CACNB2: variants seen among roughly 807,000 people sequenced by gnomAD.
The protein encoded by CACNB2 is voltage-dependent L-type calcium channel subunit beta-2.
In CACNB2, 42 loss-of-function variants were observed where a neutral mutation model predicts 73.3. The observed-to-expected ratio is 0.57, with a 90% CI of 0.45 to 0.74. CACNB2 has a LOEUF of 0.74. CACNB2 is among the 30% of genes least tolerant of loss of function. CACNB2 has a pLI of 0.00. For missense variants in CACNB2, 940 were observed against 853.0 expected (o/e 1.10, Z -1.27); for synonymous variants, 348 against 310.3 (o/e 1.12, Z -1.28).
chr10:18,517,537 G>A (rs771510058), intron 7 of CACNB2, among the ~76,000 whole-genome samples: 2 of 152,094 alleles, frequency 1.3e-5, no homozygotes, highest in Non-Finnish European at 2.9e-5. Flanking sequence ...AACTACTTTT[G>A]AGAATCATAT....
chr10:18,157,696 G>C (rs1389169772), intron 2 of CACNB2, among the ~76,000 whole-genome samples: 2 of 152,134 alleles, frequency 1.3e-5, no homozygotes, highest in Non-Finnish European at 2.9e-5. Context: ...CTAAGTGATT[G>C]ACTCCAGATT....
chr10:18,454,664 A>G (rs1186783155), intron 3 of CACNB2, among the ~76,000 whole-genome samples: 1 of 152,218 alleles, frequency 6.6e-6, no homozygotes, highest in African/African-American at 2.4e-5. Flanking sequence ...TTAAATGTCA[A>G]TGGACTGTGT....
intron 3 of CACNB2, among the ~76,000 whole-genome samples, chr10:18,461,825 A>T (rs557735525): frequency 1.1e-4 from 16 of 145,928 alleles, no homozygotes; most frequent in Non-Finnish European, 1.6e-4. Flanking sequence ...CTCCTCGAAC[A>T]GTATGAGTGG....
At chr10:18,492,711 T>A (rs1255182262) in intron 3 of CACNB2, among the ~76,000 whole-genome samples, 2 of 150,740 alleles carry the variant, frequency 1.3e-5, no homozygotes, top group Non-Finnish European at 3.0e-5. Flanking sequence ...TCCCAGAGAA[T>A]ATGAAAGAAT....
intron 2 of CACNB2, among the ~76,000 whole-genome samples, chr10:18,282,140 C>T (rs1325738065): frequency 6.6e-6 from 1 of 151,902 alleles, no homozygotes; most frequent in Non-Finnish European, 1.5e-5. Flanking sequence ...AGCTTCTGTC[C>T]CCTATTCATT....
intron 2 of CACNB2, among the ~76,000 whole-genome samples, chr10:18,249,841 T>C (rs2037017659): frequency 6.6e-6 from 1 of 152,152 alleles, no homozygotes; most frequent in Non-Finnish European, 1.5e-5. Context: ...CACATCGATG[T>C]CCTACAGACG....
intron 3 of CACNB2, among the ~76,000 whole-genome samples, chr10:18,455,500 A>C (rs2047234848): frequency 6.6e-6 from 1 of 152,216 alleles, no homozygotes; most frequent in South Asian, 2.1e-4. Context: ...TTCTGTTGGG[A>C]ACACCTGTGT....
intron 2 of CACNB2, among the ~76,000 whole-genome samples, chr10:18,210,728 T>C (rs1011449027): frequency 6.6e-6 from 1 of 152,206 alleles, no homozygotes; most frequent in African/African-American, 2.4e-5. Context: ...ACCCCAAATC[T>C]GTAAGTAACT....
At chr10:18,347,959 C>T (rs1448156569) in intron 2 of CACNB2, among the ~76,000 whole-genome samples, 2 of 152,086 alleles carry the variant, frequency 1.3e-5, no homozygotes, top group African/African-American at 2.4e-5. Context: ...TTACAGTGGG[C>T]TGTGAATAAT....
At chr10:18,372,300 T>A (rs374460353) in intron 2 of CACNB2, among the ~76,000 whole-genome samples, 1 of 152,216 alleles carries the variant, frequency 6.6e-6, no homozygotes, top group Non-Finnish European at 1.5e-5. Context: ...CTGAATGGTA[T>A]TGCCTAGGTT....
At chr10:18,426,955 ATT>A (rs551543429) in intron 3 of CACNB2, among the ~76,000 whole-genome samples, 105 of 81,680 alleles carry the variant, frequency 1.3e-3, no homozygotes, top group Admixed American at 4.7e-3. Context: ...CCTTTTCTAC[ATT>A]TTTTTTTTTT....
intron 3 of CACNB2, among the ~76,000 whole-genome samples, chr10:18,489,234 C>A (rs1046641004): frequency 1.3e-5 from 2 of 151,594 alleles, no homozygotes; most frequent in Non-Finnish European, 2.9e-5. Flanking sequence ...ACAAAAAATA[C>A]AAAAAATTAA....
At chr10:18,469,323 T>C (rs1185032937) in intron 3 of CACNB2, among the ~76,000 whole-genome samples, 1 of 152,228 alleles carries the variant, frequency 6.6e-6, no homozygotes. Context: ...ACATCGCCAT[T>C]GGATGGGTTG....
chr10:18,450,709 G>GC (rs1389723940), intron 3 of CACNB2, among the ~76,000 whole-genome samples: 1 of 146,332 alleles, frequency 6.8e-6, no homozygotes, highest in African/African-American at 2.5e-5. Context: ...TGCAGTCGCC[G>GC]CCCCCTGGGT....
chr10:18,368,590 A>G (rs1256938432), intron 2 of CACNB2, among the ~76,000 whole-genome samples: 2 of 152,212 alleles, frequency 1.3e-5, no homozygotes, highest in African/African-American at 4.8e-5. Context: ...TTAACATTTT[A>G]GGGAAAGCAT....
At chr10:18,154,572 G>T (rs768854794) in intron 2 of CACNB2, among the ~76,000 whole-genome samples, 4 of 152,030 alleles carry the variant, frequency 2.6e-5, no homozygotes, top group Non-Finnish European at 5.9e-5. Context: ...GGTTTAAGTA[G>T]TTCTCTTGCC....
chr10:18,533,518 A>G (rs1376321306), intron 10 of CACNB2, among the ~76,000 whole-genome samples: 2 of 152,304 alleles, frequency 1.3e-5, no homozygotes, highest in Non-Finnish European at 2.9e-5. Context: ...GCCCTTTTAA[A>G]ACATGACTAC....
chr10:18,481,191 GCTATATATATATAT>G (rs2048705617), intron 3 of CACNB2, among the ~76,000 whole-genome samples: 1 of 40,522 alleles, frequency 2.5e-5, no homozygotes, highest in African/African-American at 1.1e-4. Context: ...TTACATCTTC[GCTATATATATATAT>G]ATATATATAT....
At chr10:18,287,167 A>G (rs2038839783) in intron 2 of CACNB2, among the ~76,000 whole-genome samples, 1 of 152,044 alleles carries the variant, frequency 6.6e-6, no homozygotes, top group Non-Finnish European at 1.5e-5. Context: ...CGTCTCTACT[A>G]AAAACACAAA....
Sources: allele counts gnomAD v4.1 joint callset (sites outside exome capture counted in the v4.1 genomes callset), GRCh38; gene constraint gnomAD v4.1.1; transcripts MANE v1.5; gene names NCBI Gene and HGNC (gene_info 2026-07-23, HGNC 2026-07-21).